PACRG: variants seen among roughly 807,000 people sequenced by gnomAD.
PACRG encodes parkin coregulated.
A neutral mutation model predicts 29.7 loss-of-function variants in PACRG; 29 were observed. That is an observed-to-expected ratio of 0.98 (90% CI 0.73 to 1.33). PACRG has a LOEUF of 1.33. Among genes scored for constraint, PACRG ranks in the 40% most tolerant of loss-of-function variants. The probability of loss-of-function intolerance (pLI) is 0.00; values close to 1 mark genes in which losing one functional copy is unlikely to be tolerated. For synonymous variants in PACRG, 116 were observed against 118.7 expected, an observed-to-expected ratio of 0.98 and a Z score of 0.15; for missense variants, 279 against 316.2, an observed-to-expected ratio of 0.88 and a Z score of 0.89.
intron 4 of PACRG, among the ~76,000 whole-genome samples, chr6:163,159,460 A>G (rs965829473): frequency 1.3e-5 from 2 of 151,994 alleles, no homozygotes; most frequent in Non-Finnish European, 2.9e-5. Context: ...TTATAATTGC[A>G]TTTATACAAT....
At chr6:163,029,753 A>G (rs1330035267) in intron 2 of PACRG, among the ~76,000 whole-genome samples, 3 of 152,174 alleles carry the variant, frequency 2.0e-5, no homozygotes, top group Admixed American at 6.5e-5. Context: ...TCTGCAGACT[A>G]CATGGGGAAT....
At chr6:162,997,140 A>G (rs1804140108) in intron 2 of PACRG, among the ~76,000 whole-genome samples, 1 of 152,224 alleles carries the variant, frequency 6.6e-6, no homozygotes, top group East Asian at 1.9e-4. Context: ...ACTTGACATT[A>G]ATGTACAGTA....
intron 4 of PACRG, among the ~76,000 whole-genome samples, chr6:163,231,101 T>A (rs1306566632): frequency 6.6e-6 from 1 of 152,088 alleles, no homozygotes; most frequent in East Asian, 1.9e-4. Context: ...CAAGATAGGA[T>A]GGGGCTGCGG....
At chr6:163,152,446 A>G (rs1317506779) in intron 4 of PACRG, among the ~76,000 whole-genome samples, 1 of 152,214 alleles carries the variant, frequency 6.6e-6, no homozygotes, top group Non-Finnish European at 1.5e-5. Flanking sequence ...CCAAGAGATT[A>G]AGCTTGGTAT....
At chr6:162,896,754 G>T (rs752948932) in intron 2 of PACRG, among the ~76,000 whole-genome samples, 1 of 152,192 alleles carries the variant, frequency 6.6e-6, no homozygotes, top group Non-Finnish European at 1.5e-5. Flanking sequence ...GAAGGTGAAT[G>T]TCTTATGCCT....
intron 4 of PACRG, among the ~76,000 whole-genome samples, chr6:163,257,473 A>G (rs1332213194): frequency 1.3e-5 from 2 of 152,232 alleles, no homozygotes; most frequent in Admixed American, 6.5e-5. Flanking sequence ...GCCGTTATTC[A>G]GAAGGTGGAT....
At chr6:162,846,823 G>A (rs184998869) in intron 2 of PACRG, among the ~76,000 whole-genome samples, 9 of 151,544 alleles carry the variant, frequency 5.9e-5, no homozygotes, top group Admixed American at 2.0e-4. Context: ...TCTGTGCTCC[G>A]CACACTGTCC....
intron 2 of PACRG, among the ~76,000 whole-genome samples, chr6:163,017,189 C>T (rs1806190895): frequency 1.3e-5 from 2 of 152,112 alleles, no homozygotes; most frequent in Admixed American, 6.5e-5. Flanking sequence ...AATCACAAGT[C>T]ATGACTGAGC....
intron 4 of PACRG, among the ~76,000 whole-genome samples, chr6:163,096,476 C>G (rs536195334): frequency 6.6e-6 from 1 of 152,360 alleles, no homozygotes; most frequent in Non-Finnish European, 1.5e-5. Context: ...AAGCATGCAG[C>G]TGCCGAGCAC....
At chr6:163,278,355 A>T (rs1784121030) in intron 4 of PACRG, among the ~76,000 whole-genome samples, 2 of 151,974 alleles carry the variant, frequency 1.3e-5, no homozygotes, top group South Asian at 2.1e-4. Context: ...CCATCTATTT[A>T]TTTTTGTTTT....
chr6:163,064,646 T>C (rs752979322), intron 3 of PACRG, among the ~76,000 whole-genome samples: 3 of 152,202 alleles, frequency 2.0e-5, no homozygotes, highest in Admixed American at 6.5e-5. Flanking sequence ...TGAAAAATAT[T>C]ATGTGCATAA....
chr6:163,124,904 C>T (rs1268635694), intron 4 of PACRG, among the ~76,000 whole-genome samples: 1 of 152,184 alleles, frequency 6.6e-6, no homozygotes, highest in African/African-American at 2.4e-5. Context: ...AAACGTCTTT[C>T]ACATCCTTCA....
chr6:163,173,836 G>T (rs1259415274), intron 4 of PACRG, among the ~76,000 whole-genome samples: 2 of 152,244 alleles, frequency 1.3e-5, no homozygotes, highest in Non-Finnish European at 2.9e-5. Context: ...GGGTTAGAGT[G>T]TTGGTGCCTT....
intron 2 of PACRG, among the ~76,000 whole-genome samples, chr6:162,913,065 A>G (rs999568224): frequency 1.3e-5 from 2 of 152,236 alleles, no homozygotes; most frequent in African/African-American, 2.4e-5. Flanking sequence ...TATTGTTCCA[A>G]TGTAAGCCTT....
At chr6:163,030,939 C>T (rs190378646) in intron 2 of PACRG, among the ~76,000 whole-genome samples, 7 of 152,156 alleles carry the variant, frequency 4.6e-5, no homozygotes, top group Admixed American at 4.6e-4. Flanking sequence ...TGCTGACCTC[C>T]TATCTCATCC....
intron 2 of PACRG, among the ~76,000 whole-genome samples, chr6:162,891,283 A>G (rs1794737042): frequency 6.6e-6 from 1 of 152,184 alleles, no homozygotes; most frequent in Non-Finnish European, 1.5e-5. Context: ...GTTTTCCCTT[A>G]TCCAAGTGAT....
At chr6:163,058,195 C>T (rs374434633) in intron 2 of PACRG, among the ~76,000 whole-genome samples, 1 of 152,158 alleles carries the variant, frequency 6.6e-6, no homozygotes, top group African/African-American at 2.4e-5. Flanking sequence ...GACTCTTCAT[C>T]AATCAGAGTG....
intron 4 of PACRG, among the ~76,000 whole-genome samples, chr6:163,172,822 G>A (rs1231038108): frequency 1.3e-5 from 2 of 152,156 alleles, no homozygotes; most frequent in Non-Finnish European, 2.9e-5. Context: ...TGAATTCTAG[G>A]AGTTAAGCCT....
intron 2 of PACRG, among the ~76,000 whole-genome samples, chr6:163,038,445 C>G (rs1008560287): frequency 1.3e-5 from 2 of 152,134 alleles, no homozygotes; most frequent in African/African-American, 4.8e-5. Context: ...AGACCCTGCA[C>G]ACAGCCAGTG....
Sources: gnomAD v4.1 joint callset for allele counts (sites outside exome capture counted in the v4.1 genomes callset) on GRCh38, gnomAD v4.1.1 for gene constraint, MANE v1.5 for transcripts, NCBI Gene and HGNC (gene_info 2026-07-23, HGNC 2026-07-21) for gene names.